RNLS: variants seen among roughly 807,000 people sequenced by gnomAD.
RNLS encodes renalase.
In RNLS, 39 loss-of-function variants were observed where a neutral mutation model predicts 39.8. The observed-to-expected ratio is 0.98, with a 90% CI of 0.76 to 1.28. RNLS has a LOEUF of 1.28. Among genes scored for constraint, RNLS ranks in the 50% most tolerant of loss-of-function variants. RNLS has a pLI of 0.00. For missense variants in RNLS, 410 were observed against 413.3 expected, an observed-to-expected ratio of 0.99 and a Z score of 0.07; for synonymous variants, 147 against 150.7, an observed-to-expected ratio of 0.98 and a Z score of 0.18.
chr10:88,425,784 A>G (rs548148812), intron 4 of RNLS, among the ~76,000 whole-genome samples: 97 of 152,250 alleles, frequency 6.4e-4, no homozygotes, highest in African/African-American at 2.3e-3. Context: ...CTTAGGGTAG[A>G]GAAAAAAACG....
intron 4 of RNLS, among the ~76,000 whole-genome samples, chr10:88,485,786 G>C (rs891276359): frequency 6.6e-6 from 1 of 151,806 alleles, no homozygotes; most frequent in African/African-American, 2.4e-5. Context: ...CTAAAAAATA[G>C]AGACATAAAG....
the RNLS span, among the ~76,000 whole-genome samples, chr10:88,262,917 T>C: frequency 6.6e-6 from 1 of 152,142 alleles, no homozygotes; most frequent in Admixed American, 6.5e-5. Context: ...AGTCTGCTTG[T>C]GTTAATGTCT....
At chr10:88,442,705 T>C (rs1841788877) in intron 4 of RNLS, among the ~76,000 whole-genome samples, 1 of 152,134 alleles carries the variant, frequency 6.6e-6, no homozygotes, top group Non-Finnish European at 1.5e-5. Context: ...TTCTTCTGCC[T>C]ACACCACGTT....
At chr10:88,308,369 T>G (rs1170457670) in intron 6 of RNLS, among the ~76,000 whole-genome samples, 1 of 151,762 alleles carries the variant, frequency 6.6e-6, no homozygotes, top group African/African-American at 2.4e-5. Flanking sequence ...AAGAGAAAAT[T>G]TTTGCAAACT....
At chr10:88,391,884 C>A (rs1310673308) in intron 4 of RNLS, among the ~76,000 whole-genome samples, 4 of 152,198 alleles carry the variant, frequency 2.6e-5, no homozygotes, top group East Asian at 1.9e-4. Flanking sequence ...CCCTCCCCTG[C>A]CCCCAGCTCT....
intron 4 of RNLS, among the ~76,000 whole-genome samples, chr10:88,417,695 A>G (rs1255129196): frequency 2.6e-5 from 4 of 152,198 alleles, no homozygotes; most frequent in Non-Finnish European, 5.9e-5. Flanking sequence ...AATGCCAAGG[A>G]CTTTAGCCAT....
the RNLS span, among the ~76,000 whole-genome samples, chr10:88,196,791 C>A: frequency 6.6e-6 from 1 of 152,170 alleles, no homozygotes; most frequent in Non-Finnish European, 1.5e-5. Flanking sequence ...TTAATTAATC[C>A]ACTGAAGTAT....
intron 4 of RNLS, among the ~76,000 whole-genome samples, chr10:88,567,849 A>G (rs1187888682): frequency 6.6e-6 from 1 of 152,226 alleles, no homozygotes; most frequent in Non-Finnish European, 1.5e-5. Context: ...AGATCTATAA[A>G]ACATATTTAT....
intron 4 of RNLS, among the ~76,000 whole-genome samples, chr10:88,500,947 T>C (rs534732644): frequency 2.6e-5 from 4 of 152,018 alleles, no homozygotes; most frequent in Non-Finnish European, 5.9e-5. Context: ...ATTGTTTTAA[T>C]TTAGGGGGAA....
the RNLS span, among the ~76,000 whole-genome samples, chr10:88,252,731 G>A: frequency 6.6e-6 from 1 of 152,164 alleles, no homozygotes. Flanking sequence ...CCTTGAGCAG[G>A]GCTGAAGCTT....
At chr10:88,193,548 C>T in the RNLS span, among the ~76,000 whole-genome samples, 3 of 152,076 alleles carry the variant, frequency 2.0e-5, no homozygotes, top group African/African-American at 7.2e-5. Context: ...GTTTCCATGT[C>T]TTCTGTCAAA....
At chr10:88,512,606 G>T (rs578038862) in intron 4 of RNLS, among the ~76,000 whole-genome samples, 1 of 152,092 alleles carries the variant, frequency 6.6e-6, no homozygotes, top group African/African-American at 2.4e-5. Flanking sequence ...CTAAGTATCT[G>T]TAAGACAGAG....
chr10:88,540,436 G>T (rs1847978648), intron 4 of RNLS, among the ~76,000 whole-genome samples: 1 of 152,056 alleles, frequency 6.6e-6, no homozygotes, highest in Non-Finnish European at 1.5e-5. Context: ...TATTTTGAAA[G>T]TCCCCTTCTG....
At chr10:88,272,318 C>T (rs1471892556), downstream of RNLS, among the ~76,000 whole-genome samples, 1 of 152,140 alleles carries the variant, frequency 6.6e-6, no homozygotes, top group African/African-American at 2.4e-5. Flanking sequence ...CTTTCCTTTT[C>T]CTGTTCTTTT....
At chr10:88,267,078 C>T in the RNLS span, among the ~76,000 whole-genome samples, 1 of 152,158 alleles carries the variant, frequency 6.6e-6, no homozygotes, top group Non-Finnish European at 1.5e-5. Context: ...CCTGCCTACT[C>T]CTGTTCCCTG....
chr10:88,576,732 T>G (rs772830604), intron 3 of RNLS, among the ~76,000 whole-genome samples: 1 of 151,906 alleles, frequency 6.6e-6, no homozygotes, highest in Non-Finnish European at 1.5e-5. Context: ...GGCACAAAAG[T>G]AAAAAGAGAG....
intron 4 of RNLS, among the ~76,000 whole-genome samples, chr10:88,563,457 A>G (rs865774565): frequency 1.3e-5 from 2 of 152,206 alleles, no homozygotes; most frequent in African/African-American, 2.4e-5. Flanking sequence ...CACAGTAAAA[A>G]TAATGATGCA....
chr10:88,186,522 G>A, the RNLS span, among the ~76,000 whole-genome samples: 1 of 152,096 alleles, frequency 6.6e-6, no homozygotes, highest in Admixed American at 6.6e-5. Flanking sequence ...CTCAATCAAG[G>A]TTATGGCATG....
At chr10:88,266,215 C>T in the RNLS span, among the ~76,000 whole-genome samples, 1 of 152,128 alleles carries the variant, frequency 6.6e-6, no homozygotes, top group African/African-American at 2.4e-5. Context: ...GGCTCACCCA[C>T]TCTAATAACA....
Sources: allele counts gnomAD v4.1 joint callset (sites outside exome capture counted in the v4.1 genomes callset), GRCh38; gene constraint gnomAD v4.1.1; transcripts MANE v1.5; gene names NCBI Gene and HGNC (gene_info 2026-07-23, HGNC 2026-07-21).